The following FHIP1A variants were observed in gnomAD, a reference collection of about 807,000 sequenced individuals.
The protein encoded by FHIP1A is FHF complex subunit HOOK-interacting protein 1A.
In FHIP1A, 61 loss-of-function variants were observed where a neutral mutation model predicts 88.6. That is an observed-to-expected ratio of 0.69 (90% CI 0.56 to 0.85). FHIP1A has a LOEUF of 0.85. Ranked by LOEUF, FHIP1A falls within the 40% of genes least tolerant of loss-of-function variation. The pLI, the probability that FHIP1A is intolerant of heterozygous loss-of-function variation, is 0.00. For synonymous variants in FHIP1A, 478 were observed against 496.0 expected (o/e 0.96, Z 0.48); for missense variants, 1,154 against 1,273.5 (o/e 0.91, Z 1.43).
intron 7 of FHIP1A, among the ~76,000 whole-genome samples, chr4:151,601,887 A>T (rs931748231): frequency 4.6e-5 from 7 of 151,984 alleles, no homozygotes; most frequent in African/African-American, 1.5e-4. Flanking sequence ...TCACAGTTTT[A>T]CATGGGTGGG....
intron 1 of FHIP1A, among the ~76,000 whole-genome samples, chr4:151,419,580 T>A (rs1317550654): frequency 6.1e-5 from 1 of 16,308 alleles, no homozygotes; most frequent in Non-Finnish European, 1.4e-4. Flanking sequence ...TTTTTTTTTT[T>A]TTTTTTTTTT....
intron 3 of FHIP1A, among the ~76,000 whole-genome samples, chr4:151,560,628 C>T (rs960348817): frequency 1.3e-5 from 2 of 152,122 alleles, no homozygotes; most frequent in Non-Finnish European, 2.9e-5. Context: ...TAGCTTTCAA[C>T]AAAATAGTGA....
In FHIP1A at chr4:151,668,648, T is replaced by A. The variant is rs990761397; in HGVS notation, c.*5894T>A. ...CAGAACGCAGAAGCCTAGTAGTTGG[T>A]ATCACCAGTGTCTCTTCAAAAGGGC... is the stretch of plus-strand genomic sequence containing the variant. On this transcript the variant is annotated 3_prime_UTR_variant, in exon 14 of 14. Coordinates refer to ENST00000435205, the MANE Select transcript of FHIP1A (RefSeq NM_001109977.3). Among the ~76,000 whole-genome samples, 2 of 152,240 alleles carry A rather than the reference T, an allele frequency of 1.3e-5. No homozygotes were observed. The highest frequency in any genetic ancestry group is 2.9e-5 in the Non-Finnish European group (2 of 68,046).
chr4:151,591,154 G>GA (rs2126812024), intron 7 of FHIP1A, among the ~76,000 whole-genome samples: 1 of 151,720 alleles, frequency 6.6e-6, no homozygotes, highest in Non-Finnish European at 1.5e-5. Context: ...CAGGGAAGGA[G>GA]AACAGCCTCT....
Position 151,649,457 on chromosome 4 carries a change from A to C in FHIP1A, c.1418-2A>C. ...TCTAACCAGCCTCTGCCTCCTGTGC[A>C]GGGCCTGTGGAGCGGCCATTCCCCG... On this transcript the variant is annotated splice_acceptor_variant, in intron 10 of 13. Coordinates refer to ENST00000435205, the MANE Select transcript of FHIP1A (RefSeq NM_001109977.3). LOFTEE classifies it high-confidence loss of function. The C allele has an allele frequency of 6.5e-7, 1 of 1,543,114 alleles. No individual in the cohort carries two copies.
At chr4:151,583,437 G>T (rs1446196008) in intron 5 of FHIP1A, among the ~76,000 whole-genome samples, 1 of 152,134 alleles carries the variant, frequency 6.6e-6, no homozygotes. Flanking sequence ...CCTTCTGGAT[G>T]GGCAGGCTTC....
chr4:151,529,067 T>G (rs1224863850), intron 3 of FHIP1A, among the ~76,000 whole-genome samples: 1 of 152,176 alleles, frequency 6.6e-6, no homozygotes, highest in Admixed American at 6.5e-5. Context: ...GTCTTTTCAG[T>G]GAAGTCCAAC....
intron 3 of FHIP1A, among the ~76,000 whole-genome samples, chr4:151,537,113 T>C (rs1248257428): frequency 6.6e-6 from 1 of 152,030 alleles, no homozygotes; most frequent in East Asian, 1.9e-4. Context: ...CCTGGGCTTA[T>C]GTGATCCTCC....
intron 3 of FHIP1A, among the ~76,000 whole-genome samples, chr4:151,513,257 G>T (rs1469351808): frequency 2.0e-5 from 3 of 152,196 alleles, no homozygotes; most frequent in African/African-American, 7.2e-5. Context: ...AATGCTGAGA[G>T]ATTTTGTCAC....
chr4:151,431,801 G>C (rs1733603289), intron 1 of FHIP1A, among the ~76,000 whole-genome samples: 2 of 152,252 alleles, frequency 1.3e-5, no homozygotes, highest in Admixed American at 1.3e-4. Context: ...ACTGGTTAAA[G>C]AAAGGATAAT....
intron 7 of FHIP1A, among the ~76,000 whole-genome samples, chr4:151,600,162 T>C (rs1226407448): frequency 1.3e-5 from 2 of 152,260 alleles, no homozygotes; most frequent in Non-Finnish European, 2.9e-5. Flanking sequence ...GGGATCCAAG[T>C]TGATAGAGCC....
chr4:151,618,291 T>C (rs1212812246), intron 7 of FHIP1A, among the ~76,000 whole-genome samples: 1 of 152,224 alleles, frequency 6.6e-6, no homozygotes, highest in East Asian at 1.9e-4. Flanking sequence ...TTTATGTCAC[T>C]GACATGGAAT....
chr4:151,479,869 G>A (rs1729834649), intron 2 of FHIP1A, among the ~76,000 whole-genome samples: 1 of 152,018 alleles, frequency 6.6e-6, no homozygotes, highest in Non-Finnish European at 1.5e-5. Context: ...CTGGAAATGA[G>A]CTTTAAATTT....
chr4:151,590,271 C>T (rs1389870872), intron 7 of FHIP1A, among the ~76,000 whole-genome samples: 5 of 152,156 alleles, frequency 3.3e-5, no homozygotes, highest in Admixed American at 2.6e-4. Context: ...CATCCTTTTC[C>T]TCAATGACCT....
At chr4:151,578,649 A>C (rs1460292192) in intron 5 of FHIP1A, among the ~76,000 whole-genome samples, 1 of 152,132 alleles carries the variant, frequency 6.6e-6, no homozygotes, top group Admixed American at 6.6e-5. Flanking sequence ...TGCTGATGGG[A>C]ATGCAAATTG....
chr4:151,415,116 A>G (rs181584125), intron 1 of FHIP1A, among the ~76,000 whole-genome samples: 1,635 of 151,840 alleles, frequency 0.011, 11 homozygotes, highest in Non-Finnish European at 0.017. Context: ...CCATACATGC[A>G]CATCATTCTC....
intron 3 of FHIP1A, among the ~76,000 whole-genome samples, chr4:151,487,293 C>T (rs963353471): frequency 7.2e-5 from 11 of 152,050 alleles, no homozygotes; most frequent in African/African-American, 2.7e-4. Context: ...TTAGAAGAAT[C>T]GTTTGTGAGT....
chr4:151,581,250 G>T (rs1279186357), intron 5 of FHIP1A, among the ~76,000 whole-genome samples: 1 of 152,132 alleles, frequency 6.6e-6, no homozygotes, highest in Non-Finnish European at 1.5e-5. Context: ...TAACCACAAG[G>T]ATAATAATAT....
At chr4:151,483,319 G>A (rs893153397) in intron 3 of FHIP1A, among the ~76,000 whole-genome samples, 1 of 151,602 alleles carries the variant, frequency 6.6e-6, no homozygotes, top group African/African-American at 2.4e-5. Flanking sequence ...GGGTGGGGGG[G>A]TGTTTTGCAA....
Sources: gnomAD v4.1 joint callset for allele counts (sites outside exome capture counted in the v4.1 genomes callset) on GRCh38, gnomAD v4.1.1 for gene constraint, MANE v1.5 for transcripts, NCBI Gene and HGNC (gene_info 2026-07-23, HGNC 2026-07-21) for gene names.